FOXN3: variants seen among roughly 807,000 people sequenced by gnomAD.
FOXN3 encodes forkhead box N3, also known as forkhead box protein N3.
In FOXN3, 7 loss-of-function variants were observed where a neutral mutation model predicts 38.4. The ratio of observed to expected loss-of-function variants is 0.18; its 90% CI spans 0.10 to 0.34. FOXN3 has a LOEUF of 0.34. Ranked by LOEUF, FOXN3 falls within the 10% of genes least tolerant of loss-of-function variation. The pLI is 1.00. For synonymous variants in FOXN3, 230 were observed against 242.2 expected (o/e 0.95, Z 0.47); for missense variants, 456 against 613.4 (o/e 0.74, Z 2.71).
At chr14:89,500,350 T>C (rs1893770495) in intron 1 of FOXN3, among the ~76,000 whole-genome samples, 1 of 152,076 alleles carries the variant, frequency 6.6e-6, no homozygotes, top group African/African-American at 2.4e-5. Flanking sequence ...ATTGCAGAAG[T>C]CTGAGGACCA....
intron 5 of FOXN3, among the ~76,000 whole-genome samples, chr14:89,176,864 T>C (rs1887531615): frequency 6.6e-6 from 1 of 152,184 alleles, no homozygotes; most frequent in Non-Finnish European, 1.5e-5. Context: ...TACAAGCAAG[T>C]ACCCCTAATG....
At chr14:89,191,870 G>A (rs1163361980) in intron 4 of FOXN3, among the ~76,000 whole-genome samples, 2 of 149,678 alleles carry the variant, frequency 1.3e-5, no homozygotes, top group Middle Eastern at 3.5e-3. Context: ...TACATTATAT[G>A]AGAAACAAGT....
chr14:89,506,092 G>A (rs1473822905), intron 1 of FOXN3, among the ~76,000 whole-genome samples: 23 of 138,112 alleles, frequency 1.7e-4, no homozygotes, highest in African/African-American at 5.8e-4. Context: ...CCCCCCGCCC[G>A]GCCAGCCGCC....
chr14:89,351,433 TCAGTTCCCAGCAATCGACTC>T (rs1327211014), intron 2 of FOXN3: 1 of 152,234 alleles, frequency 6.6e-6, no homozygotes, highest in East Asian at 1.9e-4. Context: ...TTTGGATTCC[TCAGTTCCCAGCAATCGACTC>T]CAGCCATTAA....
At chr14:89,313,348 T>C (rs1596175517) in intron 3 of FOXN3, among the ~76,000 whole-genome samples, 2 of 152,112 alleles carry the variant, frequency 1.3e-5, no homozygotes, top group Admixed American at 6.5e-5. Context: ...CACTTGAGGT[T>C]AGGAGTTCAA....
At chr14:89,267,746 G>C (rs530982305) in intron 4 of FOXN3, among the ~76,000 whole-genome samples, 1 of 152,098 alleles carries the variant, frequency 6.6e-6, no homozygotes. Flanking sequence ...ATGCAGTGAG[G>C]GGAAGATCAG....
intron 4 of FOXN3, among the ~76,000 whole-genome samples, chr14:89,221,579 AAC>A (rs1477232649): frequency 6.6e-6 from 1 of 152,174 alleles, no homozygotes; most frequent in East Asian, 1.9e-4. Flanking sequence ...ATTTTTCTTC[AAC>A]ACAGTCATAA....
intron 1 of FOXN3, among the ~76,000 whole-genome samples, chr14:89,505,699 C>G (rs1442360613): frequency 6.6e-6 from 1 of 152,096 alleles, no homozygotes; most frequent in African/African-American, 2.4e-5. Context: ...GCCACCACCC[C>G]GTCTGGGAAG....
At chr14:89,405,298 G>A (rs556204814) in intron 2 of FOXN3, among the ~76,000 whole-genome samples, 2 of 152,074 alleles carry the variant, frequency 1.3e-5, no homozygotes, top group East Asian at 1.9e-4. Context: ...CACCAGACCC[G>A]GCTACTTTTT....
intron 5 of FOXN3, among the ~76,000 whole-genome samples, chr14:89,180,063 C>T (rs913642327): frequency 5.9e-5 from 9 of 152,284 alleles, no homozygotes; most frequent in South Asian, 2.1e-4. Flanking sequence ...GAGGAGGCTC[C>T]GCCAATGGTG....
rs1596144281 is a variant in FOXN3 at position 89,270,647 on chromosome 14, A to G, written c.745+10303T>C. Among the ~76,000 whole-genome samples the G allele has an allele frequency of 3.3e-5, 5 of 152,296 alleles. No homozygotes were observed. In the South Asian group the frequency reaches 1.0e-3, roughly 32 times the overall value. ...AGGTCCATATACTTCTCTCCTAGTTATGCTGCCTCCTCTGGAGTGAAGTGT... is the reference window on the plus strand; with the variant it reads ...AGGTCCATATACTTCTCTCCTAGTTGTGCTGCCTCCTCTGGAGTGAAGTGT... On this transcript the variant is annotated intron_variant, in intron 4 of 5. Coordinates refer to ENST00000557258, the MANE Select transcript of FOXN3 (RefSeq NM_005197.4).
chr14:89,211,947 G>A (rs970231383), intron 4 of FOXN3, among the ~76,000 whole-genome samples: 1 of 152,172 alleles, frequency 6.6e-6, no homozygotes, highest in Non-Finnish European at 1.5e-5. Context: ...AGAGTTAGAG[G>A]AGGTCATGTT....
intron 2 of FOXN3, among the ~76,000 whole-genome samples, chr14:89,358,507 G>A (rs1889327479): frequency 6.6e-6 from 1 of 152,184 alleles, no homozygotes; most frequent in Non-Finnish European, 1.5e-5. Context: ...TGGTTGGGCT[G>A]CACCTACCAT....
At chr14:89,606,661 C>G (rs1342985515) in intron 1 of FOXN3, among the ~76,000 whole-genome samples, 2 of 151,970 alleles carry the variant, frequency 1.3e-5, no homozygotes, top group East Asian at 3.9e-4. Flanking sequence ...ACCAGCTTGG[C>G]CAACATGGCA....
At chr14:89,259,585 A>G (rs577154663) in intron 4 of FOXN3, among the ~76,000 whole-genome samples, 5 of 152,342 alleles carry the variant, frequency 3.3e-5, no homozygotes, top group South Asian at 2.1e-4. Flanking sequence ...AAAAAATAAA[A>G]CCTCTAGGTA....
chr14:89,515,413 G>A (rs1353983805), intron 1 of FOXN3, among the ~76,000 whole-genome samples: 1 of 152,144 alleles, frequency 6.6e-6, no homozygotes, highest in Non-Finnish European at 1.5e-5. Context: ...CATTTAGGTA[G>A]AAACCAACCA....
chr14:89,614,447 T>C (rs1174929361), intron 1 of FOXN3, among the ~76,000 whole-genome samples: 1 of 152,212 alleles, frequency 6.6e-6, no homozygotes, highest in African/African-American at 2.4e-5. Context: ...GTCATCTTTT[T>C]CTGTATGTAC....
intron 1 of FOXN3, among the ~76,000 whole-genome samples, chr14:89,467,815 T>G (rs1236435155): frequency 1.5e-5 from 2 of 129,118 alleles, no homozygotes; most frequent in Non-Finnish European, 3.4e-5. Context: ...TTTTTTTTTT[T>G]TTTTTTTTTT....
intron 1 of FOXN3, among the ~76,000 whole-genome samples, chr14:89,491,891 A>G (rs1893583737): frequency 6.6e-6 from 1 of 152,214 alleles, no homozygotes; most frequent in African/African-American, 2.4e-5. Flanking sequence ...TCCAATGACG[A>G]GTTCAGCCTA....
Sources: gnomAD v4.1 joint callset for allele counts (sites outside exome capture counted in the v4.1 genomes callset) on GRCh38, gnomAD v4.1.1 for gene constraint, MANE v1.5 for transcripts, NCBI Gene and HGNC (gene_info 2026-07-23, HGNC 2026-07-21) for gene names.